KIF13A: variants seen among roughly 807,000 people sequenced by gnomAD.
KIF13A encodes the protein kinesin-like protein KIF13A.
Under a neutral mutation model 212.2 loss-of-function variants are expected in KIF13A, and 79 were observed. The ratio of observed to expected loss-of-function variants is 0.37; its 90% CI spans 0.31 to 0.45. The LOEUF is 0.45. Ranked by LOEUF, KIF13A falls within the 20% of genes least tolerant of loss-of-function variation. The pLI, the probability that KIF13A is intolerant of heterozygous loss-of-function variation, is 1.00. For missense variants in KIF13A, 1,901 were observed against 2,209.0 expected (o/e 0.86, Z 2.79); for synonymous variants, 789 against 808.6 (o/e 0.98, Z 0.41).
chr6:17,766,031 G>T (rs898905823), intron 38 of KIF13A, among the ~76,000 whole-genome samples: 8 of 152,116 alleles, frequency 5.3e-5, no homozygotes, highest in Non-Finnish European at 1.0e-4. Flanking sequence ...GATGCTGCAT[G>T]GATGGATAAG....
chr6:17,866,638 G>A (rs1244840605), intron 4 of KIF13A, among the ~76,000 whole-genome samples: 1 of 151,704 alleles, frequency 6.6e-6, no homozygotes, highest in Non-Finnish European at 1.5e-5. Context: ...CAGTGCTTGG[G>A]ATTCAATGCT....
intron 2 of KIF13A, among the ~76,000 whole-genome samples, chr6:17,931,404 T>G (rs1234204460): frequency 6.6e-6 from 1 of 152,220 alleles, no homozygotes; most frequent in Non-Finnish European, 1.5e-5. Flanking sequence ...ATGGGGCTAT[T>G]GAGTACCTAT....
chr6:17,779,803 G>T (rs540967520), intron 31 of KIF13A, 119 bp from the exon 32 acceptor site: 7 of 465,962 alleles, frequency 1.5e-5, no homozygotes, highest in Non-Finnish European at 2.7e-5. Flanking sequence ...GCAGTGGCGC[G>T]ATCTCGGCTC....
chr6:17,773,509 T>A lies in KIF13A; in HGVS notation c.4293A>T (p.Leu1431Phe), dbSNP rs1759671841. 1.2e-6 allele frequency: 2 copies of A among 1,609,842 alleles called. No homozygotes were observed. Among genetic ancestry groups the A allele is most frequent in the Non-Finnish European group, 1.7e-6 (2 of 1,176,656 alleles). ...SYQDVACYGT[L>F]PRDSPRRNKE... ...TATTCCTTCGAGGAGAATCCCTGGG[T>A]AAAGTTCCATAACATGCTACATCTT... Residue 1431 changes from leucine (L) to phenylalanine (F), a missense_variant, in exon 36 of 39, where the codon TTA becomes TTT. Physicochemically the swap from Leu to Phe is conservative, Grantham distance 22. Coordinates refer to ENST00000259711, the MANE Select transcript of KIF13A (RefSeq NM_022113.6). The surrounding 1 kb of genome is among the most constrained non-coding windows in gnomAD (Gnocchi z 4.2).
intron 2 of KIF13A, among the ~76,000 whole-genome samples, chr6:17,983,172 CAAAA>C (rs530156481): frequency 2.6e-5 from 2 of 76,660 alleles, no homozygotes; most frequent in Non-Finnish European, 2.8e-5. Context: ...GACTCCATCT[CAAAA>C]AAAAAAAAAA....
chr6:17,983,016 C>G (rs370728016), intron 2 of KIF13A, among the ~76,000 whole-genome samples: 1 of 151,178 alleles, frequency 6.6e-6, no homozygotes, highest in Non-Finnish European at 1.5e-5. Context: ...TAAAAATACA[C>G]AAAAAAATTA....
At chr6:17,868,969 G>A (rs1413491361) in intron 4 of KIF13A, among the ~76,000 whole-genome samples, 11 of 103,454 alleles carry the variant, frequency 1.1e-4, no homozygotes, top group South Asian at 7.9e-4. Context: ...CACTCTGGGC[G>A]ACAGAGGGAG....
In KIF13A at chr6:17,789,853, T is replaced by C. The variant is rs1355254696; in HGVS notation, c.3261+19A>G. The C allele has an allele frequency of 1.2e-6, 2 of 1,607,794 alleles. No individual in the cohort carries two copies. The highest frequency in any genetic ancestry group is 2.2e-5 in the South Asian group (2 of 90,618). The stretch of plus-strand genomic sequence containing the variant: ...AGTAGCTGTGCCCCATGCCACAGGA[T>C]TGACAGCAGTAGCAATACCTGATAA... On this transcript the variant is annotated intron_variant, in intron 26 of 38. Coordinates refer to ENST00000259711, the MANE Select transcript of KIF13A (RefSeq NM_022113.6). The surrounding 1 kb of genome is among the most constrained non-coding windows in gnomAD (Gnocchi z 4.8).
chr6:17,976,087 G>T (rs950926811), intron 2 of KIF13A, among the ~76,000 whole-genome samples: 2 of 152,360 alleles, frequency 1.3e-5, no homozygotes, highest in Middle Eastern at 3.4e-3. Context: ...TAGACATAAA[G>T]CTTCTCCACA....
At chr6:17,949,984 C>A (rs1200531656) in intron 2 of KIF13A, among the ~76,000 whole-genome samples, 3 of 152,070 alleles carry the variant, frequency 2.0e-5, no homozygotes, top group African/African-American at 7.2e-5. Context: ...TAGCTAGCTC[C>A]CTTATTCCTA....
At chr6:17,770,232 A>G (rs9396803) in intron 38 of KIF13A, 139,846 of 152,138 alleles carry the variant, frequency 0.92, 64,358 homozygotes, top group East Asian at 0.99. Flanking sequence ...GATGAGATGC[A>G]ACATAAACAT....
intron 18 of KIF13A, among the ~76,000 whole-genome samples, chr6:17,805,954 C>T (rs1762908328): frequency 7.1e-6 from 1 of 141,018 alleles, no homozygotes. Flanking sequence ...GGATCTTGCT[C>T]TATCATCCAA....
intron 3 of KIF13A, among the ~76,000 whole-genome samples, chr6:17,885,917 G>T (rs1771499803): frequency 6.6e-6 from 1 of 152,148 alleles, no homozygotes; most frequent in South Asian, 2.1e-4. Context: ...TGCACAATCT[G>T]TGGTATTTCC....
chr6:17,811,463 T>A lies in KIF13A; in HGVS notation c.2001-2533A>T, dbSNP rs1345000774. 6.6e-6 allele frequency among the ~76,000 whole-genome samples: 1 copy of A among 152,244 alleles called. No homozygotes were observed. The highest frequency in any genetic ancestry group is 1.5e-5 in the Non-Finnish European group (1 of 68,038). ...GTTTCCTATTGTTGAATGAAACTGTTCTTTAATTTTCTATGACTTAATTTT... is the reference window on the plus strand; with the variant it reads ...GTTTCCTATTGTTGAATGAAACTGTACTTTAATTTTCTATGACTTAATTTT... On this transcript the variant is annotated intron_variant, in intron 17 of 38. Coordinates refer to ENST00000259711, the MANE Select transcript of KIF13A (RefSeq NM_022113.6). This position sits in a 1 kb window ranked among gnomAD's most constrained non-coding sequence, Gnocchi z 6.0.
rs1765693332 is a variant in KIF13A at position 17,833,910 on chromosome 6, A to ACAATAAGT, written c.1266+43_1266+50dup. 4.1e-6 allele frequency: 4 copies of ACAATAAGT among 964,218 alleles called. No homozygotes were observed. The East Asian group carries it at 1.0e-4, about 25-fold the overall frequency. The allele number at this position is 964,218 out of a possible 1,614,324, so 59.7% of individuals were successfully genotyped here. On this transcript the variant is annotated intron_variant, in intron 12 of 38. Coordinates refer to ENST00000259711, the MANE Select transcript of KIF13A (RefSeq NM_022113.6). ...GATGACAGCAAACTACACAGAAAAG[A>ACAATAAGT]CAATAAGTGAAAAAGAATCCCAATA...
At chr6:17,798,425 G>C (rs1447438203) in intron 22 of KIF13A, among the ~76,000 whole-genome samples, 1 of 152,182 alleles carries the variant, frequency 6.6e-6, no homozygotes, top group Middle Eastern at 3.2e-3. Flanking sequence ...GATTAATAAA[G>C]ATTTTGAGGA....
At chr6:17,938,444 G>GGC in intron 2 of KIF13A, among the ~76,000 whole-genome samples, 1 of 152,200 alleles carries the variant, frequency 6.6e-6, no homozygotes, top group East Asian at 1.9e-4. Flanking sequence ...AATCATGAAG[G>GGC]GCTTCATGAA....
chr6:17,780,979 A>T, intron 30 of KIF13A, 73 bp from the exon 31 acceptor site: 1 of 1,439,656 alleles, frequency 6.9e-7, no homozygotes, highest in Non-Finnish European at 9.6e-7. Flanking sequence ...AGGACATACA[A>T]GAGAAAGAAA....
rs533598055 is a variant in KIF13A, at chr6:17,827,704, T to C, written c.1532+536A>G. On this transcript the variant is annotated intron_variant, in intron 14 of 38. Transcript: ENST00000259711. ...GGCTAATTTTCTTATTTATTTTCTGTAGCAACGGTGTCTCACTATACTGCC... is the reference window on the plus strand; with the variant it reads ...GGCTAATTTTCTTATTTATTTTCTGCAGCAACGGTGTCTCACTATACTGCC... 2.0e-5 allele frequency among the ~76,000 whole-genome samples: 3 copies of C among 151,922 alleles called. No homozygotes were observed. In the East Asian group the frequency reaches 5.9e-4, roughly 30 times the overall value.
Sources: gnomAD v4.1 joint callset for allele counts (sites outside exome capture counted in the v4.1 genomes callset) on GRCh38, gnomAD v4.1.1 for gene constraint, Gnocchi (gnomAD v3.1) non-coding constraint, MANE v1.5 for transcripts, NCBI Gene and HGNC (gene_info 2026-07-23, HGNC 2026-07-21) for gene names.